Variants in MAP2 observed in about 807,000 individuals in gnomAD.
The protein encoded by MAP2 is microtubule associated protein 2, also known as microtubule-associated protein 2.
In MAP2, 14 loss-of-function variants were observed where a neutral mutation model predicts 137.6. The ratio of observed to expected loss-of-function variants is 0.10; its 90% CI spans 0.07 to 0.16. MAP2 has a LOEUF of 0.16. Among genes scored for constraint, MAP2 ranks in the 10% least tolerant of loss-of-function variants. The pLI is 1.00. For synonymous variants in MAP2, 786 were observed against 782.3 expected (o/e 1.00, Z -0.08); for missense variants, 2,088 against 2,191.5 (o/e 0.95, Z 0.94).
At chr2:209,707,392 ATAAAGAC>A (rs2063769517) in intron 12 of MAP2, among the ~76,000 whole-genome samples, 3 of 152,174 alleles carry the variant, frequency 2.0e-5, no homozygotes, top group Non-Finnish European at 2.9e-5. Context: ...GCTGAAAGGC[ATAAAGAC>A]GATTGGAAAA....
chr2:209,650,526 C>G (rs1243063859), intron 4 of MAP2, among the ~76,000 whole-genome samples: 1 of 152,052 alleles, frequency 6.6e-6, no homozygotes, highest in Admixed American at 6.6e-5. Flanking sequence ...TAGTACTCAT[C>G]AAAACTTTCA....
At chr2:209,439,499 T>C (rs1424452360) in intron 1 of MAP2, among the ~76,000 whole-genome samples, 1 of 151,584 alleles carries the variant, frequency 6.6e-6, no homozygotes, top group Non-Finnish European at 1.5e-5. Flanking sequence ...TGAGGATAAT[T>C]ACCAAAGATC....
chr2:209,689,209 G>A (rs1388976755), intron 7 of MAP2, among the ~76,000 whole-genome samples: 5 of 151,834 alleles, frequency 3.3e-5, no homozygotes, highest in Non-Finnish European at 5.9e-5. Flanking sequence ...TAACAAGTTA[G>A]AATTTAAATT....
At chr2:209,482,295 T>C (rs2057814469) in intron 1 of MAP2, among the ~76,000 whole-genome samples, 1 of 152,190 alleles carries the variant, frequency 6.6e-6, no homozygotes, top group African/African-American at 2.4e-5. Flanking sequence ...AAAAAATGTT[T>C]GCATAAATGA....
chr2:209,501,037 C>CAA (rs34783349), intron 1 of MAP2, among the ~76,000 whole-genome samples: 63,423 of 114,808 alleles, frequency 0.55, 17,427 homozygotes, highest in East Asian at 0.63. Flanking sequence ...GACCCTGTCT[C>CAA]AAAAAAAAAA....
rs2059718370 is a variant in MAP2 at position 209,694,574 on chromosome 2, A to G, written c.2404A>G (p.Met802Val). Residue 802 changes from methionine (M) to valine (V), a missense_variant, in exon 8 of 16, where the codon ATG becomes GTG. Transcript: ENST00000682079. The stretch of plus-strand genomic sequence containing the variant: ...AGATTTTTACAAAAATGGTACTGTC[A>G]TGGCACCTGACCTTCCTGAAATGCT... ...AKDFYKNGTVMAPDLPEMLDL... is the reference protein window; with the variant it reads ...AKDFYKNGTVVAPDLPEMLDL... 1 of 1,614,066 alleles carries G rather than the reference A, an allele frequency of 6.2e-7. No individual in the cohort carries two copies. Among genetic ancestry groups the G allele is most frequent in the South Asian group, 1.1e-5 (1 of 91,076 alleles).
chr2:209,471,505 C>A (rs529906818), intron 1 of MAP2, among the ~76,000 whole-genome samples: 1 of 151,970 alleles, frequency 6.6e-6, no homozygotes, highest in Non-Finnish European at 1.5e-5. Flanking sequence ...TGGGGTTTGA[C>A]CATTAACTGT....
At position 209,583,172 on chromosome 2, in the gene MAP2, T is replaced by TCTATCTATCTAC. The variant is rs2153408991; in HGVS notation, c.-107+3083_-107+3084insCCTATCTATCTA. 3.3e-5 allele frequency among the ~76,000 whole-genome samples: 5 copies of TCTATCTATCTAC among 151,712 alleles called. No individual in the cohort carries two copies. The East Asian group carries it at 9.7e-4, about 29-fold the overall frequency. ...GTCTATCTATCTATCTATCTATCTA[T>TCTATCTATCTAC]CTATCTATCTATCTGTCTATCCTAT... On this transcript the variant is annotated intron_variant, in intron 3 of 15. Transcript: ENST00000682079.
At chr2:209,709,429 A>G (rs999424247) in intron 12 of MAP2, among the ~76,000 whole-genome samples, 2 of 152,286 alleles carry the variant, frequency 1.3e-5, no homozygotes, top group South Asian at 4.2e-4. Context: ...ATACAGGCCA[A>G]AACTATGTGT....
chr2:209,525,563 G>A (rs948084760), intron 2 of MAP2, among the ~76,000 whole-genome samples: 10 of 152,106 alleles, frequency 6.6e-5, no homozygotes, highest in Admixed American at 5.9e-4. Context: ...CTAAGCCTTC[G>A]AGTGGCCTTG....
chr2:209,496,337 C>A (rs1388769307), intron 1 of MAP2, among the ~76,000 whole-genome samples: 1 of 152,102 alleles, frequency 6.6e-6, no homozygotes, highest in East Asian at 1.9e-4. Context: ...TTACACATAG[C>A]CAGCACTCTA....
Position 209,718,078 on chromosome 2 carries a change from T to G in MAP2, c.5074-7631T>G, listed in dbSNP as rs530589925. On this transcript the variant is annotated intron_variant, in intron 13 of 15. Coordinates refer to ENST00000682079, the MANE Select transcript of MAP2 (RefSeq NM_001375505.1). ...TCATTATATCAGAGTGAAAGCTACT[T>G]AAGATCAGGACTCTGTCTTTATGCA... Among the ~76,000 whole-genome samples the G allele has an allele frequency of 9.4e-4, 143 of 152,350 alleles. 2 individuals carry two copies. In the South Asian group the frequency reaches 0.029, roughly 31 times the overall value.
chr2:209,510,880 T>C (rs1490039223), intron 2 of MAP2, among the ~76,000 whole-genome samples: 1 of 152,020 alleles, frequency 6.6e-6, no homozygotes, highest in Non-Finnish European at 1.5e-5. Context: ...AGATAGATGA[T>C]CATGTTAATT....
intron 1 of MAP2, among the ~76,000 whole-genome samples, chr2:209,448,544 G>A (rs186809837): frequency 3.9e-5 from 6 of 152,252 alleles, no homozygotes; most frequent in African/African-American, 1.2e-4. Context: ...TACAGTTCTG[G>A]AGGCCAGGGC....
chr2:209,520,295 AC>A (rs2063094986), intron 2 of MAP2, among the ~76,000 whole-genome samples: 1 of 152,094 alleles, frequency 6.6e-6, no homozygotes, highest in African/African-American at 2.4e-5. Flanking sequence ...TAATATATAT[AC>A]ATATGCACAG....
At chr2:209,432,566 C>T (rs940972636) in intron 1 of MAP2, among the ~76,000 whole-genome samples, 1 of 152,160 alleles carries the variant, frequency 6.6e-6, no homozygotes, top group Non-Finnish European at 1.5e-5. Flanking sequence ...AAAACTGAAA[C>T]CATACCACTA....
At chr2:209,688,080 TGA>T (rs2057658931) in intron 7 of MAP2, among the ~76,000 whole-genome samples, 1 of 152,166 alleles carries the variant, frequency 6.6e-6, no homozygotes, top group East Asian at 1.9e-4. Flanking sequence ...TTTCTCTGCA[TGA>T]AAGTGAAGTT....
intron 1 of MAP2, among the ~76,000 whole-genome samples, chr2:209,428,719 C>A (rs1693279689): frequency 6.6e-6 from 1 of 151,822 alleles, no homozygotes; most frequent in African/African-American, 2.4e-5. Context: ...TTTTATATCC[C>A]CTAGGCTTCA....
intron 2 of MAP2, among the ~76,000 whole-genome samples, chr2:209,561,323 C>T (rs2072021390): frequency 1.3e-5 from 2 of 152,234 alleles, no homozygotes; most frequent in South Asian, 2.1e-4. Context: ...GGGCTTTATT[C>T]CAGCTTTTTC....
Sources: gnomAD v4.1 joint callset for allele counts (sites outside exome capture counted in the v4.1 genomes callset) on GRCh38, gnomAD v4.1.1 for gene constraint, MANE v1.5 for transcripts, NCBI Gene and HGNC (gene_info 2026-07-23, HGNC 2026-07-21) for gene names.